The following MX1 variants were observed in gnomAD, a reference collection of about 807,000 sequenced individuals.
The protein encoded by MX1 is MX dynamin like GTPase 1.
MX1 carries 66 observed loss-of-function variants against 66.4 expected under a neutral mutation model. The ratio of observed to expected loss-of-function variants is 0.99; its 90% confidence interval spans 0.82 to 1.22. The LOEUF is 1.22. MX1 is among the 50% of genes most tolerant of loss of function. The pLI, the probability that MX1 is intolerant of heterozygous loss-of-function variation, is 0.00. For missense variants in MX1, 787 were observed against 834.3 expected (o/e 0.94, Z 0.70); for synonymous variants, 311 against 318.1 (o/e 0.98, Z 0.24).
At chr21:41,454,487 C>G (rs974174548) in intron 16 of MX1, among the ~76,000 whole-genome samples, 34 of 152,190 alleles carry the variant, frequency 2.2e-4, no homozygotes, top group Non-Finnish European at 5.9e-5. Flanking sequence ...CTGGGGTCCA[C>G]TTGGCCAAGA....
chr21:41,451,037 G>A (rs760886302), intron 14 of MX1, 130 bp from the exon 15 acceptor site: 37 of 598,186 alleles, frequency 6.2e-5, no homozygotes, highest in Middle Eastern at 3.2e-4. Flanking sequence ...CTTTTTCATG[G>A]TAAAGAGAAG....
chr21:41,448,284 A>T (rs546741504), intron 13 of MX1, among the ~76,000 whole-genome samples: 7 of 152,350 alleles, frequency 4.6e-5, no homozygotes, highest in Admixed American at 4.6e-4. Flanking sequence ...TCACATTCAT[A>T]CAAGTTGATG....
At chr21:41,455,551 G>C (rs468397) in intron 16 of MX1, among the ~76,000 whole-genome samples, 60,580 of 152,150 alleles carry the variant, frequency 0.4, 14,796 homozygotes, top group Non-Finnish European at 0.56. Flanking sequence ...CCCTTCTCCG[G>C]GTTCATTTCT....
intron 16 of MX1, among the ~76,000 whole-genome samples, chr21:41,457,800 G>A (rs2090993684): frequency 6.6e-6 from 1 of 152,130 alleles, no homozygotes; most frequent in African/African-American, 2.4e-5. Context: ...GCCATCTCCA[G>A]GACCCTATCA....
At position 41,441,695 on chromosome 21, in the gene MX1, C is replaced by T. The variant is rs765265939; in HGVS notation, c.731-21C>T. ...CCTCGTGACTGAGCACGTTCTCTCCCCAAATACATCTGGCTCGCAGGAATC... is the reference window on the plus strand; with the variant it reads ...CCTCGTGACTGAGCACGTTCTCTCCTCAAATACATCTGGCTCGCAGGAATC... On this transcript the variant is annotated intron_variant, in intron 9 of 16. Coordinates refer to ENST00000398598, the MANE Select transcript of MX1 (RefSeq NM_002462.5). The surrounding 1 kb of genome is among the most constrained non-coding windows in gnomAD (Gnocchi z 4.0). The T allele has an allele frequency of 1.2e-6, 2 of 1,613,794 alleles. No individual in the cohort carries two copies. The highest frequency in any genetic ancestry group is 4.5e-5 in the East Asian group (2 of 44,876).
intron 11 of MX1, among the ~76,000 whole-genome samples, chr21:41,444,539 C>T (rs1032434802): frequency 6.6e-6 from 1 of 151,870 alleles, no homozygotes; most frequent in Non-Finnish European, 1.5e-5. Flanking sequence ...GTTGACCAGA[C>T]TGGCCTTTTT....
chr21:41,431,845 G>T, intron 4 of MX1: 1 of 508,928 alleles, frequency 2.0e-6, no homozygotes, highest in Non-Finnish European at 3.5e-6. Flanking sequence ...GCTTCTTTGG[G>T]TCACTCTGTT....
Position 41,446,058 on chromosome 21 carries a change from G to A in MX1, c.1190G>A (p.Gly397Glu), listed in dbSNP as rs1425051927. ...CTCATGCAAGGAGAGGAAACTGTAG[G>A]GGAGGAAGACATTCGGCTGTTTACC... The part of the protein sequence containing the change: ...TALMQGEETV[G>E]EEDIRLFTRL... Residue 397 changes from glycine to glutamate, a missense_variant, in exon 13 of 17, where the codon GGG becomes GAG. Physicochemically the swap from Gly to Glu is moderately conservative, Grantham distance 98. Coordinates refer to ENST00000398598, the MANE Select transcript of MX1 (RefSeq NM_002462.5). 5.0e-6 allele frequency: 8 copies of A among 1,614,148 alleles called. No homozygotes were observed. Among genetic ancestry groups the A allele is most frequent in the Non-Finnish European group, 6.8e-6 (8 of 1,180,022 alleles).
rs200763216 is a variant in MX1 at position 41,449,114 on chromosome 21, G to A, written c.1274-23G>A. 4 of 1,560,090 alleles carry A rather than the reference G, an allele frequency of 2.6e-6. No homozygotes were observed. The East Asian group carries it at 6.9e-5, about 27-fold the overall frequency. ...AAGATTATTTTTGTAAAATAATTTAGAGGGTTTTTTTTCCTGCTATAGGCC... is the reference window on the plus strand; with the variant it reads ...AAGATTATTTTTGTAAAATAATTTAAAGGGTTTTTTTTCCTGCTATAGGCC... On this transcript the variant is annotated intron_variant, in intron 13 of 16. Coordinates refer to ENST00000398598, the MANE Select transcript of MX1 (RefSeq NM_002462.5).
chr21:41,437,226 C>T, intron 7 of MX1, 74 bp downstream of exon 7: 1 of 1,546,748 alleles, frequency 6.5e-7, no homozygotes, highest in Non-Finnish European at 8.9e-7. Context: ...TGTTCATACT[C>T]CCACCTCCCT....
intron 12 of MX1, 68 bp downstream of exon 12, chr21:41,445,638 T>C: frequency 2.5e-6 from 4 of 1,599,660 alleles, no homozygotes; most frequent in Non-Finnish European, 3.4e-6. Context: ...CCCTGGGCCT[T>C]ATGCACTTCC....
intron 7 of MX1, among the ~76,000 whole-genome samples, chr21:41,438,459 T>TAA (rs2090423162): frequency 6.6e-6 from 1 of 152,176 alleles, no homozygotes; most frequent in African/African-American, 2.4e-5. Context: ...CCGGGCCTTC[T>TAA]GTCTGTGTGG....
chr21:41,422,071 CCTA>C (rs1208714474), upstream of MX1: 1 of 152,220 alleles, frequency 6.6e-6, no homozygotes. Context: ...GAGGCTGATA[CCTA>C]CTGGGCTGCA....
chr21:41,452,408 C>A (rs185503045), intron 15 of MX1, among the ~76,000 whole-genome samples: 11 of 152,302 alleles, frequency 7.2e-5, no homozygotes, highest in Non-Finnish European at 1.6e-4. Flanking sequence ...TCCGGCCCAT[C>A]TGTGGCTCAA....
At chr21:41,443,715 C>T (rs1473982931) in intron 10 of MX1, 73 bp from the exon 11 acceptor site, 5 of 1,473,702 alleles carry the variant, frequency 3.4e-6, no homozygotes, top group African/African-American at 1.4e-5. Context: ...CTTGACTTTC[C>T]CCAACAGCAA....
chr21:41,427,641 G>A (rs2146052789), intron 2 of MX1, 114 bp from the exon 3 acceptor site: 1 of 152,274 alleles, frequency 6.6e-6, no homozygotes, highest in South Asian at 2.1e-4. Context: ...GAGAGGAAGG[G>A]GGCTGAATCC....
At chr21:41,451,963 C>G (rs1001885573) in intron 15 of MX1, among the ~76,000 whole-genome samples, 1 of 152,062 alleles carries the variant, frequency 6.6e-6, no homozygotes. Flanking sequence ...TAGGTGTCCC[C>G]GGCACAGATG....
chr21:41,441,701 A>G lies in MX1; in HGVS notation c.731-15A>G. On this transcript the variant is annotated splice_polypyrimidine_tract_variant and intron_variant, in intron 9 of 16. Transcript: ENST00000398598. The surrounding 1 kb of genome is among the most constrained non-coding windows in gnomAD (Gnocchi z 4.0). ...GACTGAGCACGTTCTCTCCCCAAATACATCTGGCTCGCAGGAATCTTGACG... is the reference window on the plus strand; with the variant it reads ...GACTGAGCACGTTCTCTCCCCAAATGCATCTGGCTCGCAGGAATCTTGACG... 1.2e-6 allele frequency: 2 copies of G among 1,613,956 alleles called. No individual in the cohort carries two copies. The highest frequency in any genetic ancestry group is 1.1e-5 in the South Asian group (1 of 91,076).
chr21:41,421,578 C>G (rs139155786), upstream of MX1, among the ~76,000 whole-genome samples: 14 of 152,222 alleles, frequency 9.2e-5, no homozygotes, highest in African/African-American at 3.4e-4. Flanking sequence ...GAGATTAGGG[C>G]GTGGTGATGA....
Sources: gnomAD v4.1 joint callset for allele counts (sites outside exome capture counted in the v4.1 genomes callset) on GRCh38, gnomAD v4.1.1 for gene constraint, Gnocchi (gnomAD v3.1) non-coding constraint, MANE v1.5 for transcripts, NCBI Gene and HGNC (gene_info 2026-07-23, HGNC 2026-07-21) for gene names.